The following DISC1 variants were observed in gnomAD, a reference collection of about 807,000 sequenced individuals.
The protein encoded by DISC1 is DISC1 scaffold protein.
Under a neutral mutation model 84.5 loss-of-function variants are expected in DISC1, and 57 were observed. The ratio of observed to expected loss-of-function variants is 0.67; its 90% CI spans 0.55 to 0.84. The LOEUF (loss-of-function observed/expected upper bound fraction) is 0.84. Among genes scored for constraint, DISC1 ranks in the 40% least tolerant of loss-of-function variants. DISC1 has a pLI of 0.00. For missense variants in DISC1, 1,000 were observed against 1,057.8 expected, an observed-to-expected ratio of 0.95 and a Z score of 0.76; for synonymous variants, 411 against 415.2, an observed-to-expected ratio of 0.99 and a Z score of 0.12.
At chr1:231,682,014 T>A (rs1449783220) in intron 1 of DISC1, among the ~76,000 whole-genome samples, 2 of 152,176 alleles carry the variant, frequency 1.3e-5, no homozygotes, top group Admixed American at 1.3e-4. Context: ...TATTAATTTT[T>A]AATATTATGT....
In DISC1 at chr1:232,008,787, G is replaced by A. The variant is rs1357540939; in HGVS notation, c.2045G>A (p.Cys682Tyr). Reference sequence around the variant, plus strand: ...CCTTTGTTTCCTCTCTGTCTCAGCTGCAAGTGTCCACTGCTTGGGAAAGTG... The same window carrying A: ...CCTTTGTTTCCTCTCTGTCTCAGCTACAAGTGTCCACTGCTTGGGAAAGTG... Reference protein sequence around the residue: ...METLKNKLCSCKCPLLGKVWE... With the variant: ...METLKNKLCSYKCPLLGKVWE... The change falls in exon 11 of 13, where the codon TGC (cysteine) becomes TAC (tyrosine). Residue 682 changes from cysteine to tyrosine, a missense_variant and splice_region_variant. Physicochemically the swap from Cys to Tyr is radical, Grantham distance 194. This residue lies in a region of DISC1 where 397 missense variants were observed against 377.5 expected (regional missense o/e 1.05). Transcript: ENST00000439617. 6.4e-7 allele frequency: 1 copy of A among 1,555,180 alleles called. No homozygotes were observed. Among genetic ancestry groups the A allele is most frequent in the African/African-American group, 1.4e-5 (1 of 73,026 alleles).
chr1:231,832,924 A>C (rs7524510), intron 9 of DISC1, among the ~76,000 whole-genome samples: 89,160 of 106,572 alleles, frequency 0.84, 38,677 homozygotes, highest in Non-Finnish European at 0.87. Flanking sequence ...GGCTTTAATC[A>C]TTTTAAAGAG....
intron 10 of DISC1, among the ~76,000 whole-genome samples, chr1:231,982,485 A>G (rs1663755412): frequency 6.6e-6 from 1 of 152,180 alleles, no homozygotes; most frequent in African/African-American, 2.4e-5. Context: ...TGGTACCAAT[A>G]AACAAAAGAA....
intron 2 of DISC1, among the ~76,000 whole-genome samples, chr1:231,700,897 G>T (rs1391188714): frequency 1.3e-5 from 2 of 152,174 alleles, no homozygotes; most frequent in Non-Finnish European, 2.9e-5. Flanking sequence ...GCCAGGCAAA[G>T]AATGGGAGGA....
intron 3 of DISC1, among the ~76,000 whole-genome samples, chr1:231,717,258 A>G (rs1345103462): frequency 6.6e-6 from 1 of 152,254 alleles, no homozygotes; most frequent in East Asian, 1.9e-4. Flanking sequence ...TTTATGGTAT[A>G]TAAATATTTG....
At chr1:231,880,585 A>C (rs1197639619) in intron 9 of DISC1, among the ~76,000 whole-genome samples, 1 of 152,194 alleles carries the variant, frequency 6.6e-6, no homozygotes, top group Non-Finnish European at 1.5e-5. Flanking sequence ...ACAGGTTCGT[A>C]TGCCCACTGC....
chr1:231,852,426 G>A (rs2083959349), intron 9 of DISC1, among the ~76,000 whole-genome samples: 1 of 152,198 alleles, frequency 6.6e-6, no homozygotes. Flanking sequence ...TCACAGGGGT[G>A]AGCACAGCAA....
chr1:231,955,038 C>T (rs372261527), intron 9 of DISC1, among the ~76,000 whole-genome samples: 15 of 152,220 alleles, frequency 9.9e-5, no homozygotes, highest in African/African-American at 3.1e-4. Flanking sequence ...AAATACTTAG[C>T]ATTCAGTTTC....
intron 6 of DISC1, among the ~76,000 whole-genome samples, chr1:231,774,179 T>C (rs1334744322): frequency 6.6e-6 from 1 of 151,896 alleles, no homozygotes; most frequent in Non-Finnish European, 1.5e-5. Context: ...GCTCAAGCCC[T>C]GGAGTTCGAG....
chr1:231,967,659 C>T (rs1004511599), intron 10 of DISC1, among the ~76,000 whole-genome samples: 2 of 152,154 alleles, frequency 1.3e-5, no homozygotes, highest in Admixed American at 6.5e-5. Context: ...ACCAATTTTA[C>T]AAGAGAAACA....
intron 9 of DISC1, among the ~76,000 whole-genome samples, chr1:231,868,695 TATATATATATATATATATA>T (rs2085234537): frequency 5.1e-4 from 1 of 1,946 alleles, no homozygotes; most frequent in African/African-American, 5.1e-3. Context: ...CCATCTCTTA[TATATATATATATATATATA>T]TATATATATA....
At chr1:231,893,636 C>T (rs375807860) in intron 9 of DISC1, among the ~76,000 whole-genome samples, 4 of 151,972 alleles carry the variant, frequency 2.6e-5, no homozygotes, top group Non-Finnish European at 5.9e-5. Flanking sequence ...GGGCTACCTG[C>T]GGGGCATGCT....
At chr1:231,806,976 C>T (rs973314751) in intron 8 of DISC1, among the ~76,000 whole-genome samples, 11 of 152,350 alleles carry the variant, frequency 7.2e-5, no homozygotes, top group African/African-American at 2.6e-4. Context: ...TGGAATGGTG[C>T]TGGGACTTTC....
intron 3 of DISC1, among the ~76,000 whole-genome samples, chr1:231,734,585 G>GTACTTTT (rs544105056): frequency 7.6e-4 from 116 of 152,218 alleles, no homozygotes; most frequent in African/African-American, 2.6e-3. Context: ...CCTGGTGTAA[G>GTACTTTT]TACTTTTTCT....
chr1:231,945,984 A>T lies in DISC1; in HGVS notation c.1982-12844A>T, dbSNP rs531715954. Among the ~76,000 whole-genome samples the T allele has an allele frequency of 3.9e-5, 6 of 152,306 alleles. No individual in the cohort carries two copies. In the South Asian group the frequency reaches 1.2e-3, roughly 32 times the overall value. ...GCAGCAATTAATAGCCTACCAACCA[A>T]AAAAAGTCCAGGACCAGATGGATTC... On this transcript the variant is annotated intron_variant, in intron 9 of 12. Transcript: ENST00000439617.
chr1:231,752,623 C>G (rs530759907), intron 4 of DISC1, among the ~76,000 whole-genome samples: 1 of 152,256 alleles, frequency 6.6e-6, no homozygotes, highest in East Asian at 1.9e-4. Flanking sequence ...CTCCCCAAAT[C>G]TCATGTTTTT....
chr1:231,878,648 G>A (rs2086066029), intron 9 of DISC1, among the ~76,000 whole-genome samples: 1 of 152,010 alleles, frequency 6.6e-6, no homozygotes, highest in Non-Finnish European at 1.5e-5. Flanking sequence ...CTTTTTTACT[G>A]GAGTGTAATA....
intron 5 of DISC1, among the ~76,000 whole-genome samples, chr1:231,767,781 GT>G (rs2076273886): frequency 6.6e-6 from 1 of 152,216 alleles, no homozygotes; most frequent in Admixed American, 6.5e-5. Context: ...ATTTGTGCCT[GT>G]TTTCGATATT....
intron 10 of DISC1, among the ~76,000 whole-genome samples, chr1:231,988,157 GC>G (rs1194416495): frequency 6.6e-6 from 1 of 152,180 alleles, no homozygotes; most frequent in African/African-American, 2.4e-5. Flanking sequence ...CTGCACTCCA[GC>G]CTGGGCGACA....
Sources: allele counts gnomAD v4.1 joint callset (sites outside exome capture counted in the v4.1 genomes callset), GRCh38; gene constraint gnomAD v4.1.1; regional missense constraint gnomAD v4.1.1; transcripts MANE v1.5; gene names NCBI Gene and HGNC (gene_info 2026-07-23, HGNC 2026-07-21).